GPCPD1: variants seen among roughly 807,000 people sequenced by gnomAD.
The protein encoded by GPCPD1 is glycerophosphocholine phosphodiesterase 1.
Under a neutral mutation model 89.2 loss-of-function variants are expected in GPCPD1, and 29 were observed. That is an observed-to-expected ratio of 0.33 (90% confidence interval 0.24 to 0.44). The LOEUF is 0.44. GPCPD1 is among the 20% of genes least tolerant of loss of function. The pLI, the probability that GPCPD1 is intolerant of heterozygous loss-of-function variation, is 1.00. For missense variants in GPCPD1, 594 were observed against 808.9 expected (o/e 0.73, Z 3.22); for synonymous variants, 258 against 266.3 (o/e 0.97, Z 0.30).
chr20:5,556,790 T>C (rs553560494), intron 19 of GPCPD1, among the ~76,000 whole-genome samples: 6 of 152,332 alleles, frequency 3.9e-5, no homozygotes, highest in African/African-American at 1.4e-4. Flanking sequence ...CTAACCTCAA[T>C]AGCAATGAAC....
chr20:5,609,798 G>A (rs1280601815), intron 1 of GPCPD1, among the ~76,000 whole-genome samples: 2 of 145,800 alleles, frequency 1.4e-5, no homozygotes, highest in African/African-American at 5.0e-5. Flanking sequence ...ACCATGTGCA[G>A]TTTTGCTTGT....
At chr20:5,610,176 C>G (rs1980863702) in intron 1 of GPCPD1, among the ~76,000 whole-genome samples, 2 of 152,196 alleles carry the variant, frequency 1.3e-5, no homozygotes, top group Admixed American at 1.3e-4. Context: ...TTGAGGCTCT[C>G]TCTCCTACCT....
Position 5,547,593 on chromosome 20 carries a change from T to C in GPCPD1, c.*68A>G. Reference sequence around the variant, plus strand: ...CCCAAAAGGCATAGATCAACAATGCTCAGTGATGAAAAATGAATACCCAGA... The same window carrying C: ...CCCAAAAGGCATAGATCAACAATGCCCAGTGATGAAAAATGAATACCCAGA... On this transcript the variant is annotated 3_prime_UTR_variant, in exon 20 of 20. Transcript: ENST00000379019. 1 of 770,970 alleles carries C rather than the reference T, an allele frequency of 1.3e-6. No homozygotes were observed. The highest frequency in any genetic ancestry group is 1.8e-5 in the South Asian group (1 of 54,420). 47.8% of individuals were successfully genotyped at this position (770,970 alleles called of 1,614,324 possible). A position where few individuals can be genotyped will look rare whatever the true frequency, so the allele number is the denominator to read the frequency against.
At chr20:5,547,891 T>C in intron 19 of GPCPD1, 41 bp from the exon 20 acceptor site, 1 of 1,152,538 alleles carries the variant, frequency 8.7e-7, no homozygotes, top group Non-Finnish European at 1.2e-6. Flanking sequence ...ATACTGTAAT[T>C]TTATGGTTTA....
At chr20:5,557,662 T>C (rs1489228005) in intron 19 of GPCPD1, among the ~76,000 whole-genome samples, 3 of 152,104 alleles carry the variant, frequency 2.0e-5, no homozygotes, top group Admixed American at 6.5e-5. Flanking sequence ...ATGAAAAAGT[T>C]GGTATAGACA....
intron 2 of GPCPD1, among the ~76,000 whole-genome samples, chr20:5,603,613 C>T (rs987995803): frequency 5.3e-5 from 8 of 152,100 alleles, no homozygotes; most frequent in Non-Finnish European, 1.0e-4. Context: ...AGGTGTGATA[C>T]GGCTTTGACA....
At position 5,584,298 on chromosome 20, in the gene GPCPD1, C is replaced by T. The variant is rs772815723; in HGVS notation, c.332G>A (p.Gly111Glu). ...TCACTTACTGTGGATTCCAAATTGTCCATCGTCAATAATAATTTCGCTTTC... is the reference window on the plus strand; with the variant it reads ...TCACTTACTGTGGATTCCAAATTGTTCATCGTCAATAATAATTTCGCTTTC... ...PLESEIIIDD[G>E]QFGIHNGVET... Residue 111 changes from glycine to glutamate, a missense_variant, in exon 6 of 20, where the codon GGA (glycine) becomes GAA (glutamate). Gly to Glu is a moderately conservative substitution (Grantham distance 98). Transcript: ENST00000379019. 8 of 1,427,490 alleles carry T rather than the reference C, an allele frequency of 5.6e-6. No homozygotes were observed. The African/African-American group carries it at 1.1e-4, about 20-fold the overall frequency. The allele number at this position is 1,427,490 out of a possible 1,614,324, so 88.4% of individuals were successfully genotyped here.
chr20:5,558,523 C>A (rs1009313404), intron 18 of GPCPD1, among the ~76,000 whole-genome samples, 161 bp downstream of exon 18: 1 of 152,172 alleles, frequency 6.6e-6, no homozygotes, highest in African/African-American at 2.4e-5. Flanking sequence ...AATTGTTTTT[C>A]ATCCTGAGAT....
chr20:5,570,856 A>G (rs1336199417), intron 11 of GPCPD1, among the ~76,000 whole-genome samples: 3 of 151,440 alleles, frequency 2.0e-5, no homozygotes, highest in African/African-American at 4.9e-5. Context: ...AATTATAGTT[A>G]AAGCCAAATT....
In GPCPD1 at chr20:5,550,940, G is replaced by A. The variant is rs536038726; in HGVS notation, c.1830-3090C>T. Among the ~76,000 whole-genome samples, 187 of 152,298 alleles carry A rather than the reference G, an allele frequency of 1.2e-3. 1 individual carries two copies. The highest frequency in any genetic ancestry group is 4.2e-3 in the African/African-American group (176 of 41,552). ...GGAGCAGCCCGGTGGAGAGGCAGACGTATTGAGGGCTATTACTCCGAGAGA... is the reference window on the plus strand; with the variant it reads ...GGAGCAGCCCGGTGGAGAGGCAGACATATTGAGGGCTATTACTCCGAGAGA... On this transcript the variant is annotated intron_variant, in intron 19 of 19. Coordinates refer to ENST00000379019, the MANE Select transcript of GPCPD1 (RefSeq NM_019593.5).
intron 4 of GPCPD1, among the ~76,000 whole-genome samples, chr20:5,588,982 CAAGT>C (rs1358354920): frequency 6.6e-6 from 1 of 152,030 alleles, no homozygotes; most frequent in East Asian, 1.9e-4. Context: ...TTTACTTAAT[CAAGT>C]AAGAATAATC....
chr20:5,582,216 A>C (rs993105323), intron 6 of GPCPD1, among the ~76,000 whole-genome samples: 35 of 145,418 alleles, frequency 2.4e-4, no homozygotes, highest in Admixed American at 1.4e-4. Flanking sequence ...AAAAAAAAAA[A>C]AAACTACTAC....
At chr20:5,573,039 T>C (rs1425094582) in intron 11 of GPCPD1, among the ~76,000 whole-genome samples, 2 of 151,680 alleles carry the variant, frequency 1.3e-5, no homozygotes, top group East Asian at 3.9e-4. Context: ...ACTCAGCTGA[T>C]ACACTTCTTT....
intron 10 of GPCPD1, among the ~76,000 whole-genome samples, chr20:5,575,196 C>T (rs1978286350): frequency 6.6e-6 from 1 of 152,178 alleles, no homozygotes. Context: ...TCCTTCCTGC[C>T]TTTCTACTTT....
rs775417041 is a variant in GPCPD1, at chr20:5,606,039, T to G, written c.-28-1599A>C. On this transcript the variant is annotated intron_variant, in intron 1 of 19. Transcript: ENST00000379019. ...AAAAGAATAAGAAAGAAGTCTAAACTCCAAGCCTTTGAAGTTCTTTTCCAC... is the reference window on the plus strand; with the variant it reads ...AAAAGAATAAGAAAGAAGTCTAAACGCCAAGCCTTTGAAGTTCTTTTCCAC... 4.5e-4 allele frequency among the ~76,000 whole-genome samples: 69 copies of G among 152,286 alleles called. 1 individual carries two copies. The highest frequency in any genetic ancestry group is 1.5e-3 in the Admixed American group (23 of 15,284).
chr20:5,561,424 G>T, intron 16 of GPCPD1, 41 bp downstream of exon 16: 1 of 1,080,056 alleles, frequency 9.3e-7, no homozygotes, highest in Non-Finnish European at 1.4e-6. Flanking sequence ...TTTTAGATAG[G>T]CATAGAGAGT....
chr20:5,595,850 C>A (rs1979686853), intron 3 of GPCPD1, among the ~76,000 whole-genome samples: 1 of 152,044 alleles, frequency 6.6e-6, no homozygotes, highest in South Asian at 2.1e-4. Flanking sequence ...TCCAAAACAG[C>A]CAGTTGGAGC....
intron 15 of GPCPD1, among the ~76,000 whole-genome samples, chr20:5,564,752 G>A (rs1049321162): frequency 9.2e-5 from 14 of 152,012 alleles, no homozygotes; most frequent in Admixed American, 3.3e-4. Flanking sequence ...GAGGTGGGAG[G>A]ATCGCTTGAG....
Position 5,546,055 on chromosome 20 carries a change from G to A in GPCPD1, c.*1606C>T, listed in dbSNP as rs1985011508. The A allele has an allele frequency of 6.6e-6, 1 of 152,136 alleles. No homozygotes were observed. Among genetic ancestry groups the A allele is most frequent in the African/African-American group, 2.4e-5 (1 of 41,416 alleles). 9.4% of individuals were successfully genotyped at this position (152,136 alleles called of 1,614,324 possible). On this transcript the variant is annotated 3_prime_UTR_variant, in exon 20 of 20. Coordinates refer to ENST00000379019, the MANE Select transcript of GPCPD1 (RefSeq NM_019593.5). ...GAAGGAAACTAATTCTTTTTCAGGA[G>A]TTTTCCAAAAGTGCCCAATTCACAC...
Sources: gnomAD v4.1 joint callset for allele counts (sites outside exome capture counted in the v4.1 genomes callset) on GRCh38, gnomAD v4.1.1 for gene constraint, MANE v1.5 for transcripts, NCBI Gene and HGNC (gene_info 2026-07-23, HGNC 2026-07-21) for gene names.